Variants in NTM observed in about 807,000 individuals in gnomAD.
The protein encoded by NTM is IgLON family member 2.
NTM carries 13 observed loss-of-function variants against 42.1 expected under a neutral mutation model. The observed-to-expected ratio is 0.31, with a 90% CI of 0.20 to 0.49. NTM has a LOEUF of 0.49. Ranked by LOEUF, NTM falls within the 20% of genes least tolerant of loss-of-function variation. The probability of loss-of-function intolerance (pLI) is 0.99; values close to 1 mark genes in which losing one functional copy is unlikely to be tolerated. For missense variants in NTM, 373 were observed against 452.8 expected (o/e 0.82, Z 1.60); for synonymous variants, 187 against 179.2 (o/e 1.04, Z -0.35).
At chr11:131,585,419 C>T (rs941931927) in intron 1 of NTM, among the ~76,000 whole-genome samples, 6 of 152,164 alleles carry the variant, frequency 3.9e-5, no homozygotes, top group African/African-American at 1.2e-4. Flanking sequence ...ACTCCTCAGG[C>T]CCTCCTTTGG....
intron 4 of NTM, among the ~76,000 whole-genome samples, chr11:132,294,744 C>T (rs1177088613): frequency 6.6e-6 from 1 of 152,146 alleles, no homozygotes; most frequent in Non-Finnish European, 1.5e-5. Context: ...CAGTTTTTTC[C>T]TTGCCTGTCC....
intron 4 of NTM, among the ~76,000 whole-genome samples, chr11:132,280,665 T>C (rs1258567320): frequency 6.6e-6 from 1 of 151,954 alleles, no homozygotes; most frequent in Non-Finnish European, 1.5e-5. Context: ...TTTGTATTTT[T>C]AGTAGAGACA....
chr11:131,660,115 A>C (rs2067775088), intron 1 of NTM: 1 of 184,158 alleles, frequency 5.4e-6, no homozygotes. Context: ...GAAGACAGGG[A>C]GCCTCTGCGG....
At chr11:131,468,776 G>A (rs1042544802) in intron 1 of NTM, among the ~76,000 whole-genome samples, 1 of 152,156 alleles carries the variant, frequency 6.6e-6, no homozygotes, top group Admixed American at 6.5e-5. Context: ...ACTCCCTAGG[G>A]AGGTGCAAGC....
intron 1 of NTM, among the ~76,000 whole-genome samples, chr11:131,805,644 A>G (rs2092439457): frequency 6.6e-6 from 1 of 152,368 alleles, no homozygotes; most frequent in African/African-American, 2.4e-5. Context: ...TAAATGATCA[A>G]TAATGTTAAT....
chr11:132,062,918 G>T (rs188514894), intron 2 of NTM, among the ~76,000 whole-genome samples: 1 of 152,138 alleles, frequency 6.6e-6, no homozygotes, highest in African/African-American at 2.4e-5. Context: ...AGGCAGGATG[G>T]GTGGGGCTTT....
chr11:131,831,964 A>G (rs945013076), intron 1 of NTM, among the ~76,000 whole-genome samples: 1 of 147,874 alleles, frequency 6.8e-6, no homozygotes, highest in Non-Finnish European at 1.5e-5. Flanking sequence ...ATAATTAAAT[A>G]TAATATATAT....
At chr11:132,246,171 C>T (rs1294935277) in intron 4 of NTM, among the ~76,000 whole-genome samples, 1 of 152,180 alleles carries the variant, frequency 6.6e-6, no homozygotes, top group Non-Finnish European at 1.5e-5. Flanking sequence ...TTTGTTTTCC[C>T]AGAACTAAAG....
At chr11:131,798,222 G>T (rs530125300) in intron 1 of NTM, among the ~76,000 whole-genome samples, 1 of 152,194 alleles carries the variant, frequency 6.6e-6, no homozygotes, top group African/African-American at 2.4e-5. Flanking sequence ...GTGTGTGGGT[G>T]CATGGGCTGC....
intron 1 of NTM, among the ~76,000 whole-genome samples, chr11:131,823,977 G>C (rs2093293845): frequency 6.6e-6 from 1 of 152,190 alleles, no homozygotes; most frequent in Non-Finnish European, 1.5e-5. Flanking sequence ...TACAGTGTTG[G>C]TTGCATTTAA....
chr11:131,733,516 TTC>T (rs2135507967), intron 1 of NTM, among the ~76,000 whole-genome samples: 8 of 148,724 alleles, frequency 5.4e-5, no homozygotes, highest in Non-Finnish European at 1.0e-4. Flanking sequence ...CCTTCCTTCC[TTC>T]CTTTCTTTCT....
intron 1 of NTM, among the ~76,000 whole-genome samples, chr11:131,479,017 C>T (rs1266959015): frequency 6.6e-6 from 1 of 152,144 alleles, no homozygotes; most frequent in African/African-American, 2.4e-5. Context: ...TCCTAGTGCC[C>T]CGCACGCCAC....
At chr11:132,308,858 TAAA>T (rs1565443254) in intron 5 of NTM, among the ~76,000 whole-genome samples, 1 of 151,822 alleles carries the variant, frequency 6.6e-6, no homozygotes, top group Non-Finnish European at 1.5e-5. Context: ...ACTTAAAACA[TAAA>T]GAAACAGAAG....
intron 5 of NTM, among the ~76,000 whole-genome samples, chr11:132,309,374 C>T (rs980174541): frequency 5.9e-5 from 9 of 152,106 alleles, no homozygotes; most frequent in African/African-American, 2.2e-4. Context: ...GGCAATTCTC[C>T]TTGAATATTA....
intron 7 of NTM, chr11:132,315,036 C>A (rs139570705): frequency 9.2e-7 from 1 of 1,084,772 alleles, no homozygotes; most frequent in East Asian, 5.5e-5. Context: ...GAAAAGATCC[C>A]GAGATAGGAG....
intron 1 of NTM, among the ~76,000 whole-genome samples, chr11:131,762,058 T>C (rs1225963241): frequency 6.6e-6 from 1 of 152,074 alleles, no homozygotes; most frequent in South Asian, 2.1e-4. Context: ...TGAATTTTTG[T>C]TGTTGAAGCC....
At chr11:131,888,617 C>T (rs538363736) in intron 1 of NTM, among the ~76,000 whole-genome samples, 1 of 152,318 alleles carries the variant, frequency 6.6e-6, no homozygotes, top group African/African-American at 2.4e-5. Context: ...GATGTAAAAT[C>T]CTCACAGCCA....
chr11:132,118,922 C>T (rs1414966255), intron 2 of NTM, among the ~76,000 whole-genome samples: 1 of 151,890 alleles, frequency 6.6e-6, no homozygotes, highest in Non-Finnish European at 1.5e-5. Context: ...ATGATGTCCT[C>T]AAGGGGGTGA....
chr11:131,789,153 TTA>T (rs1238796843), intron 1 of NTM, among the ~76,000 whole-genome samples: 1 of 151,990 alleles, frequency 6.6e-6, no homozygotes, highest in Non-Finnish European at 1.5e-5. Context: ...TCGCTGGATG[TTA>T]TGTTTCTTCT....
Sources: allele counts gnomAD v4.1 joint callset (sites outside exome capture counted in the v4.1 genomes callset), GRCh38; gene constraint gnomAD v4.1.1; transcripts MANE v1.5; gene names NCBI Gene and HGNC (gene_info 2026-07-23, HGNC 2026-07-21).